KCNIP4: variants seen among roughly 807,000 people sequenced by gnomAD.
KCNIP4 encodes Kv channel-interacting protein 4.
KCNIP4 carries 12 observed loss-of-function variants against 34.0 expected under a neutral mutation model. The observed-to-expected ratio is 0.35, with a 90% confidence interval of 0.23 to 0.57. The LOEUF (loss-of-function observed/expected upper bound fraction) is 0.57, where lower values mean the gene tolerates loss of function less well. KCNIP4 is among the 20% of genes least tolerant of loss of function. The pLI, the probability that KCNIP4 is intolerant of heterozygous loss-of-function variation, is 0.83. For synonymous variants in KCNIP4, 124 were observed against 102.2 expected, an observed-to-expected ratio of 1.21 and a Z score of -1.29; for missense variants, 238 against 311.7, an observed-to-expected ratio of 0.76 and a Z score of 1.78.
At chr4:21,761,785 TA>T (rs879471837) in intron 1 of KCNIP4, among the ~76,000 whole-genome samples, 24 of 151,428 alleles carry the variant, frequency 1.6e-4, no homozygotes, top group African/African-American at 3.4e-4. Flanking sequence ...TTAACAACAT[TA>T]AAAAAAAATT....
chr4:21,032,478 C>A (rs1197453168), intron 1 of KCNIP4, among the ~76,000 whole-genome samples: 2 of 152,010 alleles, frequency 1.3e-5, no homozygotes, highest in Admixed American at 6.6e-5. Flanking sequence ...TGACTCAGAG[C>A]AAACATTCTT....
rs562959767 is a variant in KCNIP4, at chr4:21,646,226, T to C, written c.61+302345A>G. Among the ~76,000 whole-genome samples, 152 of 152,292 alleles carry C rather than the reference T, an allele frequency of 1.0e-3. 4 individuals are homozygous for C. The South Asian group carries it at 0.025, about 25-fold the overall frequency. On this transcript the variant is annotated intron_variant, in intron 1 of 8. Coordinates refer to ENST00000382152, the MANE Select transcript of KCNIP4 (RefSeq NM_025221.6). ...CTGTCAGACTCTGTATAGTAGATTC[T>C]ATAATATTGCTCCCAGTGAACTGAT...
intron 1 of KCNIP4, among the ~76,000 whole-genome samples, chr4:21,127,763 T>G (rs2109158796): frequency 6.6e-6 from 1 of 152,376 alleles, no homozygotes; most frequent in East Asian, 1.9e-4. Flanking sequence ...AGGCTTTCTC[T>G]GTTTGCTTCA....
At chr4:21,832,179 C>A (rs993819156) in intron 1 of KCNIP4, among the ~76,000 whole-genome samples, 1 of 151,964 alleles carries the variant, frequency 6.6e-6, no homozygotes, top group Non-Finnish European at 1.5e-5. Flanking sequence ...AAGCATTTGA[C>A]GAAATTCAAC....
At chr4:21,765,101 C>A (rs1205406189) in intron 1 of KCNIP4, among the ~76,000 whole-genome samples, 1 of 151,336 alleles carries the variant, frequency 6.6e-6, no homozygotes, top group Non-Finnish European at 1.5e-5. Flanking sequence ...AATATTAGTA[C>A]GAATTTAAAA....
At chr4:21,072,281 T>C (rs1577640455) in intron 1 of KCNIP4, among the ~76,000 whole-genome samples, 2 of 152,310 alleles carry the variant, frequency 1.3e-5, no homozygotes, top group East Asian at 3.9e-4. Flanking sequence ...TGTTCCTATT[T>C]CTCCACATCC....
At chr4:21,861,656 C>CA (rs59277001) in intron 1 of KCNIP4, among the ~76,000 whole-genome samples, 1,358 of 101,288 alleles carry the variant, frequency 0.013, 46 homozygotes, top group South Asian at 0.033. Flanking sequence ...GACTCCGTCT[C>CA]AAAAAAAAAA....
At chr4:21,581,166 T>C (rs1443285242) in intron 1 of KCNIP4, among the ~76,000 whole-genome samples, 1 of 151,978 alleles carries the variant, frequency 6.6e-6, no homozygotes, top group Non-Finnish European at 1.5e-5. Flanking sequence ...TGAAACATCA[T>C]TATATTTCCA....
intron 1 of KCNIP4, among the ~76,000 whole-genome samples, chr4:21,490,106 A>G (rs544511879): frequency 1.3e-5 from 2 of 152,262 alleles, no homozygotes; most frequent in East Asian, 3.9e-4. Context: ...TGAAGTTATA[A>G]ATTTTATGCA....
chr4:21,714,796 T>A (rs1015827473), intron 1 of KCNIP4, among the ~76,000 whole-genome samples: 1 of 486 alleles, frequency 2.1e-3, no homozygotes, highest in Non-Finnish European at 3.4e-3. Flanking sequence ...ATTATTTTAT[T>A]TTATTTTATT....
chr4:21,516,749 T>C (rs1317501525), intron 1 of KCNIP4, among the ~76,000 whole-genome samples: 1 of 152,050 alleles, frequency 6.6e-6, no homozygotes, highest in East Asian at 1.9e-4. Flanking sequence ...TCTGAGAAGA[T>C]TTTAGCAACA....
At chr4:21,217,770 C>T (rs903423467) in intron 1 of KCNIP4, among the ~76,000 whole-genome samples, 3 of 152,070 alleles carry the variant, frequency 2.0e-5, no homozygotes, top group Non-Finnish European at 4.4e-5. Context: ...AATGACAACC[C>T]TGTTTGGAGA....
intron 1 of KCNIP4, among the ~76,000 whole-genome samples, chr4:21,475,856 A>T (rs961244821): frequency 5.9e-5 from 9 of 152,194 alleles, no homozygotes. Flanking sequence ...TGGTATAACC[A>T]TGTTATTTAA....
chr4:21,694,806 G>T (rs1357304365), intron 1 of KCNIP4, among the ~76,000 whole-genome samples: 5 of 151,384 alleles, frequency 3.3e-5, no homozygotes, highest in African/African-American at 1.2e-4. Context: ...ATGGCCCATT[G>T]TGGTATCAAA....
intron 1 of KCNIP4, among the ~76,000 whole-genome samples, chr4:20,988,701 CT>C (rs1393562362): frequency 6.6e-6 from 1 of 152,086 alleles, no homozygotes; most frequent in Non-Finnish European, 1.5e-5. Flanking sequence ...GATTATTAGC[CT>C]ATGAAGGGAA....
intron 1 of KCNIP4, among the ~76,000 whole-genome samples, chr4:21,519,827 G>A (rs1421845286): frequency 7.0e-6 from 1 of 143,612 alleles, no homozygotes; most frequent in African/African-American, 2.5e-5. Flanking sequence ...GTATACACAC[G>A]TGTGTGTATG....
At chr4:21,508,350 T>C (rs1386543787) in intron 1 of KCNIP4, among the ~76,000 whole-genome samples, 4 of 152,170 alleles carry the variant, frequency 2.6e-5, no homozygotes. Context: ...TGAAAACACG[T>C]AGACAAACAA....
chr4:21,655,782 T>C (rs752959545), intron 1 of KCNIP4, among the ~76,000 whole-genome samples: 9 of 152,150 alleles, frequency 5.9e-5, no homozygotes, highest in Non-Finnish European at 1.2e-4. Context: ...AAATCAAGTG[T>C]TTGTCATTAA....
At chr4:21,566,526 G>A (rs1461144471) in intron 1 of KCNIP4, among the ~76,000 whole-genome samples, 6 of 151,910 alleles carry the variant, frequency 3.9e-5, no homozygotes, top group Non-Finnish European at 7.4e-5. Flanking sequence ...TTCCCCATTC[G>A]CCATCCACCA....
Sources: allele counts gnomAD v4.1 joint callset (sites outside exome capture counted in the v4.1 genomes callset), GRCh38; gene constraint gnomAD v4.1.1; transcripts MANE v1.5; gene names NCBI Gene and HGNC (gene_info 2026-07-23, HGNC 2026-07-21).